Variants in GAPVD1 observed in about 807,000 individuals in gnomAD.
GAPVD1 encodes GTPase-activating protein and VPS9 domain-containing protein 1.
In GAPVD1, 35 loss-of-function variants were observed where a neutral mutation model predicts 155.5. That is an observed-to-expected ratio of 0.23 (90% CI 0.17 to 0.30). GAPVD1 has a LOEUF of 0.30. Ranked by LOEUF, GAPVD1 falls within the 10% of genes least tolerant of loss-of-function variation. GAPVD1 has a pLI of 1.00. For synonymous variants in GAPVD1, 636 were observed against 619.7 expected, an observed-to-expected ratio of 1.03 and a Z score of -0.39; for missense variants, 1,429 against 1,775.7, an observed-to-expected ratio of 0.80 and a Z score of 3.51.
intron 13 of GAPVD1, among the ~76,000 whole-genome samples, chr9:125,331,347 C>A (rs917108139): frequency 6.6e-6 from 1 of 151,992 alleles, no homozygotes; most frequent in African/African-American, 2.4e-5. Flanking sequence ...ATTACAGGCA[C>A]CTGCCACCAC....
intron 23 of GAPVD1, among the ~76,000 whole-genome samples, chr9:125,351,740 C>CT (rs1194124366): frequency 4.2e-4 from 62 of 145,962 alleles, no homozygotes; most frequent in Admixed American, 6.8e-4. Flanking sequence ...CATGGTCTTT[C>CT]TTTTTTTTTT....
intron 3 of GAPVD1, among the ~76,000 whole-genome samples, chr9:125,297,635 T>C (rs1413155755): frequency 1.3e-5 from 2 of 152,172 alleles, no homozygotes; most frequent in Non-Finnish European, 2.9e-5. Flanking sequence ...GAGAGGAAAT[T>C]GGAGAAGTAG....
At chr9:125,317,249 C>A (rs553011090) in intron 9 of GAPVD1, among the ~76,000 whole-genome samples, 1 of 148,832 alleles carries the variant, frequency 6.7e-6, no homozygotes, top group Non-Finnish European at 1.5e-5. Context: ...ACCTGGGAGG[C>A]GGAGGTTGCA....
At chr9:125,303,456 C>T (rs943293605) in intron 5 of GAPVD1, among the ~76,000 whole-genome samples, 2 of 151,418 alleles carry the variant, frequency 1.3e-5, no homozygotes, top group Admixed American at 1.3e-4. Flanking sequence ...CATAGTGAGA[C>T]CCCCAACTGC....
intron 25 of GAPVD1, among the ~76,000 whole-genome samples, chr9:125,358,487 T>C (rs1850433458): frequency 6.6e-6 from 1 of 152,226 alleles, no homozygotes; most frequent in Non-Finnish European, 1.5e-5. Context: ...TTCTTAACAG[T>C]GACAGTGGCT....
chr9:125,302,132 C>T lies in GAPVD1; in HGVS notation c.335C>T (p.Ser112Phe), dbSNP rs1288782523. 1 of 1,613,970 alleles carries T rather than the reference C, an allele frequency of 6.2e-7. No homozygotes were observed. The highest frequency in any genetic ancestry group is 1.1e-5 in the South Asian group (1 of 91,072). ...AGGGAAAATCCTCGTCTTATTGCCT[C>T]CTCTTTGGTTGCTGGAGAGAAACTT... ...RLRENPRLIA[S>F]SLVAGEKLNQ... is the part of the protein sequence containing the mutation. The change falls in exon 5 of 28, where the codon TCC becomes TTC. Residue 112 changes from serine to phenylalanine, a missense_variant. Transcript: ENST00000297933.
At chr9:125,356,274 A>T (rs1239429405) in intron 25 of GAPVD1, among the ~76,000 whole-genome samples, 2 of 152,082 alleles carry the variant, frequency 1.3e-5, no homozygotes, top group African/African-American at 4.8e-5. Flanking sequence ...GCCATTTGAC[A>T]TCTGTTTGAG....
At chr9:125,311,150 G>GA (rs1431398318) in intron 8 of GAPVD1, among the ~76,000 whole-genome samples, 2 of 151,782 alleles carry the variant, frequency 1.3e-5, no homozygotes, top group Non-Finnish European at 2.9e-5. Context: ...AATTATTTTA[G>GA]AAAAAAATAT....
At chr9:125,285,299 T>C (rs1036374101) in intron 2 of GAPVD1, among the ~76,000 whole-genome samples, 3 of 152,162 alleles carry the variant, frequency 2.0e-5, no homozygotes, top group Non-Finnish European at 4.4e-5. Flanking sequence ...TCTATACCAT[T>C]ATGGAAAGAT....
chr9:125,332,172 TC>T, intron 14 of GAPVD1, 112 bp downstream of exon 14: 1 of 1,064,126 alleles, frequency 9.4e-7, no homozygotes, highest in Non-Finnish European at 1.4e-6. Context: ...CTGAGTAATT[TC>T]CAGAAAACAA....
chr9:125,283,348 C>T (rs1396435178), intron 2 of GAPVD1, among the ~76,000 whole-genome samples: 5 of 151,592 alleles, frequency 3.3e-5, no homozygotes, highest in African/African-American at 9.7e-5. Context: ...TGTGAGCCAC[C>T]GCACCCAGCT....
intron 15 of GAPVD1, among the ~76,000 whole-genome samples, chr9:125,334,038 C>G (rs1846495603): frequency 6.6e-6 from 1 of 152,114 alleles, no homozygotes; most frequent in Non-Finnish European, 1.5e-5. Context: ...AATCAAGAAC[C>G]ACTGTTCTAA....
chr9:125,304,501 A>T (rs1177014759), intron 5 of GAPVD1, among the ~76,000 whole-genome samples: 4 of 152,192 alleles, frequency 2.6e-5, no homozygotes, highest in African/African-American at 9.6e-5. Context: ...TATTAAGAAG[A>T]GGATGTTGTA....
In GAPVD1 at chr9:125,347,363, G is replaced by A. The variant is rs562161812; in HGVS notation, c.3169+422G>A. On this transcript the variant is annotated intron_variant, in intron 20 of 27. Transcript: ENST00000297933. Reference sequence around the variant, plus strand: ...AAAGGATTCTGTTTTCCTCATAATAGAATACTGAATAGCTTTCAGAAAAAT... The same window carrying A: ...AAAGGATTCTGTTTTCCTCATAATAAAATACTGAATAGCTTTCAGAAAAAT... Among the ~76,000 whole-genome samples, 175 of 152,232 alleles carry A rather than the reference G, an allele frequency of 1.1e-3. 1 individual carries two copies. The highest frequency in any genetic ancestry group is 4.1e-3 in the African/African-American group (170 of 41,542).
rs796288507 is a variant in GAPVD1, at chr9:125,314,653, TCAAAACAAAA to T, written c.1602+2057_1602+2066del. ...TGGGCAACAAGAGTGAAACTCTGTCTCAAAACAAAACAAAACAAAACAAAAAACAGAAAAA... is the reference window on the plus strand; with the variant it reads ...TGGGCAACAAGAGTGAAACTCTGTCTCAAAACAAAACAAAAAACAGAAAAA... On this transcript the variant is annotated intron_variant, in intron 9 of 27. Coordinates refer to ENST00000297933, the MANE Select transcript of GAPVD1 (RefSeq NM_001282680.3). Among the ~76,000 whole-genome samples, 131 of 151,232 alleles carry T rather than the reference TCAAAACAAAA, an allele frequency of 8.7e-4. 2 individuals carry two copies. The South Asian group carries it at 0.024, about 27-fold the overall frequency.
Position 125,283,990 on chromosome 9 carries a change from A to T in GAPVD1, c.-149-11468A>T, listed in dbSNP as rs568616374. Among the ~76,000 whole-genome samples the T allele has an allele frequency of 1.4e-4, 21 of 151,684 alleles. No individual in the cohort carries two copies. In the East Asian group the frequency reaches 4.1e-3, roughly 29 times the overall value. On this transcript the variant is annotated intron_variant, in intron 2 of 27. Coordinates refer to ENST00000297933, the MANE Select transcript of GAPVD1 (RefSeq NM_001282680.3). ...CGGGTTCAAGTGATTCTCCTGCGTC[A>T]GGCTTCCCAAGTAGCCAGGACTACA...
At chr9:125,298,476 A>AC (rs1464630463) in intron 3 of GAPVD1, among the ~76,000 whole-genome samples, 1 of 142,172 alleles carries the variant, frequency 7.0e-6, no homozygotes, top group Admixed American at 7.4e-5. Flanking sequence ...ATCAAATGTA[A>AC]CCTAATTTTT....
intron 13 of GAPVD1, 82 bp from the exon 14 acceptor site, chr9:125,331,844 T>G (rs1846131763): frequency 1.5e-6 from 2 of 1,297,314 alleles, no homozygotes; most frequent in African/African-American, 2.9e-5. Flanking sequence ...CCTGGTAGCT[T>G]TGTTTATCTG....
At position 125,351,757 on chromosome 9, in the gene GAPVD1, C is replaced by T. The variant is rs749127811; in HGVS notation, c.3569+885C>T. On this transcript the variant is annotated intron_variant, in intron 23 of 27. Coordinates refer to ENST00000297933, the MANE Select transcript of GAPVD1 (RefSeq NM_001282680.3). ...TGGTCTTTCTTTTTTTTTTTTCCCC[C>T]GAGATGGAATTTCGCTCTTGTTGCC... Among the ~76,000 whole-genome samples, 14 of 151,274 alleles carry T rather than the reference C, an allele frequency of 9.3e-5. 1 individual carries two copies. The highest frequency in any genetic ancestry group is 1.6e-4 in the Non-Finnish European group (11 of 67,804).
Sources: gnomAD v4.1 joint callset for allele counts (sites outside exome capture counted in the v4.1 genomes callset) on GRCh38, gnomAD v4.1.1 for gene constraint, MANE v1.5 for transcripts, NCBI Gene and HGNC (gene_info 2026-07-23, HGNC 2026-07-21) for gene names.